Variants in PTPRA observed in about 807,000 individuals in gnomAD.
PTPRA encodes protein tyrosine phosphatase receptor type A.
In PTPRA, 25 loss-of-function variants were observed where a neutral mutation model predicts 104.8. The observed-to-expected ratio is 0.24, with a 90% CI of 0.17 to 0.33. The LOEUF (loss-of-function observed/expected upper bound fraction) is 0.33, where lower values mean the gene tolerates loss of function less well. Among genes scored for constraint, PTPRA ranks in the 10% least tolerant of loss-of-function variants. The pLI, the probability that PTPRA is intolerant of heterozygous loss-of-function variation, is 1.00. For synonymous variants in PTPRA, 323 were observed against 368.9 expected (o/e 0.88, Z 1.43); for missense variants, 765 against 1,015.3 (o/e 0.75, Z 3.35).
intron 9 of PTPRA, among the ~76,000 whole-genome samples, chr20:2,995,179 G>A (rs1468560731): frequency 2.0e-5 from 3 of 152,124 alleles, no homozygotes; most frequent in Admixed American, 2.0e-4. Flanking sequence ...TCCCTTCCTT[G>A]TTATAACGTC....
chr20:2,876,215 C>T (rs1033183739), intron 1 of PTPRA, among the ~76,000 whole-genome samples: 1 of 152,102 alleles, frequency 6.6e-6, no homozygotes, highest in Non-Finnish European at 1.5e-5. Context: ...TAGAGAGAAT[C>T]CTGCTCAATT....
intron 1 of PTPRA, among the ~76,000 whole-genome samples, chr20:2,888,278 G>T (rs964807458): frequency 2.6e-5 from 4 of 152,190 alleles, no homozygotes; most frequent in African/African-American, 9.7e-5. Flanking sequence ...TGCATTTTCA[G>T]GCTAGGTGTG....
intron 1 of PTPRA, among the ~76,000 whole-genome samples, chr20:2,898,301 C>T (rs1445922430): frequency 2.6e-5 from 4 of 151,566 alleles, no homozygotes; most frequent in South Asian, 2.1e-4. Context: ...AGGATGGTCT[C>T]GATCTCCTGA....
At chr20:2,972,534 C>T (rs1361543097) in intron 5 of PTPRA, among the ~76,000 whole-genome samples, 1 of 152,184 alleles carries the variant, frequency 6.6e-6, no homozygotes, top group African/African-American at 2.4e-5. Flanking sequence ...CAAGCTGTTG[C>T]AGTCTATTTG....
intron 20 of PTPRA, among the ~76,000 whole-genome samples, chr20:3,028,324 T>G (rs984410608): frequency 1.3e-5 from 2 of 152,178 alleles, no homozygotes; most frequent in African/African-American, 2.4e-5. Flanking sequence ...TTTGAGAAAT[T>G]ATACAAACAA....
At chr20:2,967,881 A>G (rs1160346109) in intron 5 of PTPRA, among the ~76,000 whole-genome samples, 3 of 152,184 alleles carry the variant, frequency 2.0e-5, no homozygotes, top group Non-Finnish European at 2.9e-5. Flanking sequence ...TTGCTACTCA[A>G]TTCTTACCAT....
rs2065782670 is a variant in PTPRA, at chr20:3,035,981, A to C, written c.2198+40A>C. On this transcript the variant is annotated intron_variant, in intron 22 of 23. Transcript: ENST00000399903. This position sits in a 1 kb window ranked among gnomAD's most constrained non-coding sequence, Gnocchi z 5.8. ...TGCCCTCAGCGGGAGAGAGAAAGCG[A>C]GGAGGGGCAGATAGGGGAAGCTGAT... The C allele has an allele frequency of 6.2e-7, 1 of 1,611,424 alleles. No individual in the cohort carries two copies. The highest frequency in any genetic ancestry group is 8.5e-7 in the Non-Finnish European group (1 of 1,179,184).
chr20:2,977,651 A>G (rs2062494402), intron 6 of PTPRA, among the ~76,000 whole-genome samples: 2 of 152,022 alleles, frequency 1.3e-5, no homozygotes, highest in Non-Finnish European at 2.9e-5. Flanking sequence ...TCTCAAAAAA[A>G]AAAAGGGCGG....
intron 6 of PTPRA, among the ~76,000 whole-genome samples, chr20:2,977,624 A>G (rs1411603150): frequency 2.0e-4 from 31 of 151,770 alleles, no homozygotes; most frequent in African/African-American, 7.2e-4. Context: ...TAGCCTGGGC[A>G]ACAGAGCAAG....
chr20:3,023,939 G>A (rs932985575), intron 16 of PTPRA, among the ~76,000 whole-genome samples: 2 of 152,204 alleles, frequency 1.3e-5, no homozygotes, highest in African/African-American at 2.4e-5. Context: ...AAGAAATCGA[G>A]CACAGAGGAG....
At chr20:2,913,529 G>A (rs1453779989) in intron 1 of PTPRA, among the ~76,000 whole-genome samples, 1 of 152,116 alleles carries the variant, frequency 6.6e-6, no homozygotes, top group Non-Finnish European at 1.5e-5. Flanking sequence ...GTCTGTCTTT[G>A]ACTTGATCGC....
chr20:3,022,867 C>T lies in PTPRA; in HGVS notation c.1464+43C>T. On this transcript the variant is annotated intron_variant, in intron 16 of 23. Coordinates refer to ENST00000399903, the MANE Select transcript of PTPRA (RefSeq NM_001385305.1). The surrounding 1 kb of genome is among the most constrained non-coding windows in gnomAD (Gnocchi z 4.6). ...CAGGTGAGGGTGGGGGGTTCCAGGA[C>T]TAAAACATCTGCCCACATTGAGGAT... is the stretch of plus-strand genomic sequence containing the variant. 5 of 1,612,508 alleles carry T rather than the reference C, an allele frequency of 3.1e-6. No homozygotes were observed. Among genetic ancestry groups the T allele is most frequent in the African/African-American group, 1.3e-5 (1 of 75,006 alleles).
chr20:2,945,142 G>C (rs1397386134), intron 2 of PTPRA, among the ~76,000 whole-genome samples: 2 of 151,788 alleles, frequency 1.3e-5, no homozygotes, highest in African/African-American at 4.8e-5. Flanking sequence ...TATTTTACCT[G>C]TTCTTAAATT....
At chr20:3,031,296 C>T (rs1166353837) in intron 20 of PTPRA, among the ~76,000 whole-genome samples, 1 of 151,672 alleles carries the variant, frequency 6.6e-6, no homozygotes, top group Non-Finnish European at 1.5e-5. Context: ...GAAAACCTTC[C>T]CTGTTTCACT....
At chr20:2,867,757 G>C in the PTPRA span, among the ~76,000 whole-genome samples, 1 of 152,190 alleles carries the variant, frequency 6.6e-6, no homozygotes, top group Admixed American at 6.5e-5. Context: ...GGAGCTTCAG[G>C]CCTCTCCCTA....
intron 9 of PTPRA, among the ~76,000 whole-genome samples, chr20:2,996,973 T>A (rs2063421007): frequency 6.6e-6 from 1 of 152,184 alleles, no homozygotes. Context: ...TGTACAAAGA[T>A]GTTTATGACA....
At chr20:2,910,443 TAAGTA>T (rs2059661297) in intron 1 of PTPRA, among the ~76,000 whole-genome samples, 1 of 130,724 alleles carries the variant, frequency 7.6e-6, no homozygotes, top group African/African-American at 2.9e-5. Flanking sequence ...ATATTATATA[TAAGTA>T]AAGTATATAT....
chr20:2,878,475 G>T (rs966574508), intron 1 of PTPRA, among the ~76,000 whole-genome samples: 5 of 152,226 alleles, frequency 3.3e-5, no homozygotes, highest in African/African-American at 9.6e-5. Context: ...CTCCCAAAGT[G>T]CTGGGATTAC....
At chr20:3,021,145 C>A (rs921008496) in intron 13 of PTPRA, among the ~76,000 whole-genome samples, 164 bp from the exon 14 acceptor site, 13 of 152,116 alleles carry the variant, frequency 8.5e-5, no homozygotes, top group Non-Finnish European at 1.8e-4. Flanking sequence ...GAGAAAAGGG[C>A]AAATTTGAAT....
Sources: allele counts gnomAD v4.1 joint callset (sites outside exome capture counted in the v4.1 genomes callset), GRCh38; gene constraint gnomAD v4.1.1; non-coding constraint Gnocchi (gnomAD v3.1); transcripts MANE v1.5; gene names NCBI Gene and HGNC (gene_info 2026-07-23, HGNC 2026-07-21).